Variants in SFXN5 observed in about 807,000 individuals in gnomAD.
The protein encoded by SFXN5 is sideroflexin 5.
Under a neutral mutation model 50.2 loss-of-function variants are expected in SFXN5, and 43 were observed. The ratio of observed to expected loss-of-function variants is 0.86; its 90% CI spans 0.67 to 1.11. The LOEUF is 1.11. Ranked by LOEUF, SFXN5 falls within the 50% of genes least tolerant of loss-of-function variation. SFXN5 has a pLI of 0.00. For synonymous variants in SFXN5, 203 were observed against 185.8 expected (o/e 1.09, Z -0.75); for missense variants, 463 against 454.1 (o/e 1.02, Z -0.18).
intron 3 of SFXN5, among the ~76,000 whole-genome samples, chr2:73,034,645 C>T (rs1678731315): frequency 6.6e-6 from 1 of 152,140 alleles, no homozygotes; most frequent in Admixed American, 6.5e-5. Context: ...TGGACAAGCC[C>T]AGCCACTCAG....
intron 6 of SFXN5, among the ~76,000 whole-genome samples, chr2:73,010,844 C>T (rs1386648425): frequency 6.6e-6 from 1 of 152,080 alleles, no homozygotes; most frequent in African/African-American, 2.4e-5. Flanking sequence ...AACATAAGAT[C>T]ACTATATATG....
intron 11 of SFXN5, among the ~76,000 whole-genome samples, chr2:72,968,775 CTCTT>C (rs1191420919): frequency 1.5e-4 from 22 of 150,920 alleles, no homozygotes; most frequent in South Asian, 8.4e-4. Flanking sequence ...TCTTTCCTCT[CTCTT>C]TCTTTCTTTC....
chr2:72,976,186 AT>A (rs1366775051), intron 10 of SFXN5, among the ~76,000 whole-genome samples: 1 of 152,168 alleles, frequency 6.6e-6, no homozygotes, highest in Non-Finnish European at 1.5e-5. Flanking sequence ...AAGGAATTCA[AT>A]TTGAGAATTA....
At chr2:72,956,571 G>C (rs1673112098) in intron 13 of SFXN5, among the ~76,000 whole-genome samples, 1 of 152,160 alleles carries the variant, frequency 6.6e-6, no homozygotes, top group Admixed American at 6.5e-5. Context: ...TACAAAGCCT[G>C]CTCCATCGTC....
intron 12 of SFXN5, among the ~76,000 whole-genome samples, chr2:72,965,675 C>T (rs1020501490): frequency 3.9e-5 from 6 of 152,322 alleles, no homozygotes; most frequent in South Asian, 4.1e-4. Flanking sequence ...ACATCCCCAT[C>T]GCACTCCCTT....
chr2:73,031,911 T>C (rs1678352837), intron 3 of SFXN5, among the ~76,000 whole-genome samples: 1 of 152,104 alleles, frequency 6.6e-6, no homozygotes, highest in South Asian at 2.1e-4. Context: ...GAAGCAAGTC[T>C]CTCCAGGGCC....
chr2:72,955,169 C>T (rs1307839987), intron 13 of SFXN5, among the ~76,000 whole-genome samples: 1 of 152,220 alleles, frequency 6.6e-6, no homozygotes, highest in East Asian at 1.9e-4. Context: ...CACATTTCAA[C>T]CTCACCAAAT....
intron 13 of SFXN5, among the ~76,000 whole-genome samples, chr2:72,958,480 G>C (rs1673348057): frequency 6.6e-6 from 1 of 152,192 alleles, no homozygotes; most frequent in Non-Finnish European, 1.5e-5. Context: ...CTAACTGGGA[G>C]GGTCTCTGAT....
Position 73,034,078 on chromosome 2 carries a change from G to A in SFXN5, c.249+6776C>T, listed in dbSNP as rs202105966. Among the ~76,000 whole-genome samples the A allele has an allele frequency of 2.6e-5, 4 of 152,318 alleles. No homozygotes were observed. The East Asian group carries it at 5.8e-4, about 22-fold the overall frequency. On this transcript the variant is annotated intron_variant, in intron 3 of 13. Coordinates refer to ENST00000272433, the MANE Select transcript of SFXN5 (RefSeq NM_144579.3). ...GTGTGCTGTATCAGCAATGGACAGA[G>A]GAGCCCAGGTAGTATAGGCAGATCA...
rs138657348 is a variant in SFXN5, at chr2:72,988,602, TACAC to T, written c.535-258_535-255del. On this transcript the variant is annotated intron_variant, in intron 9 of 13. Coordinates refer to ENST00000272433, the MANE Select transcript of SFXN5 (RefSeq NM_144579.3). ...GGAGAGAGGTAAAGCATCAGAGACATACACACACACACACACATACACACACATT... is the reference window on the plus strand; with the variant it reads ...GGAGAGAGGTAAAGCATCAGAGACATACACACACACACATACACACACATT... Among the ~76,000 whole-genome samples the T allele has an allele frequency of 1.6e-4, 24 of 150,350 alleles. No homozygotes were observed. In the South Asian group the frequency reaches 2.3e-3, roughly 15 times the overall value.
intron 3 of SFXN5, among the ~76,000 whole-genome samples, chr2:73,040,100 C>T (rs901517019): frequency 2.6e-5 from 4 of 152,124 alleles, no homozygotes; most frequent in African/African-American, 4.8e-5. Context: ...TGTGAGCCAC[C>T]GTGCCCAGCC....
intron 11 of SFXN5, among the ~76,000 whole-genome samples, chr2:72,969,959 C>T (rs557635732): frequency 6.6e-6 from 1 of 152,242 alleles, no homozygotes; most frequent in Non-Finnish European, 1.5e-5. Flanking sequence ...GTGGTAAGTT[C>T]CTTTAGCCCC....
In SFXN5 at chr2:73,071,140, C is replaced by T. The variant is rs566977151; in HGVS notation, c.102+464G>A. 3 of 156,442 alleles carry T rather than the reference C, an allele frequency of 1.9e-5. No homozygotes were observed. In the South Asian group the frequency reaches 4.8e-4, roughly 25 times the overall value. 9.7% of individuals were successfully genotyped at this position (156,442 alleles called of 1,614,324 possible). On this transcript the variant is annotated intron_variant, in intron 1 of 13. Coordinates refer to ENST00000272433, the MANE Select transcript of SFXN5 (RefSeq NM_144579.3). ...GCGCGACGCTGCCCGGCGGCACCGC[C>T]AGCAGCTCGAAAGGAACGTCAGTCC...
intron 8 of SFXN5, 50 bp downstream of exon 8, chr2:73,000,381 G>A (rs1673750363): frequency 1.3e-6 from 2 of 1,524,486 alleles, no homozygotes; most frequent in South Asian, 2.4e-5. Flanking sequence ...AGGATGACTG[G>A]GCCTCCCTAG....
At chr2:73,016,613 G>A (rs1676179606) in intron 6 of SFXN5, among the ~76,000 whole-genome samples, 1 of 152,180 alleles carries the variant, frequency 6.6e-6, no homozygotes, top group Admixed American at 6.5e-5. Flanking sequence ...GCTGAGGCAG[G>A]AGAATCGCTT....
At chr2:73,035,913 T>C (rs930250043) in intron 3 of SFXN5, among the ~76,000 whole-genome samples, 2 of 152,206 alleles carry the variant, frequency 1.3e-5, no homozygotes, top group African/African-American at 4.8e-5. Context: ...CATTTGCGCA[T>C]ACCCACTGGT....
Position 72,968,510 on chromosome 2 carries a change from C to G in SFXN5, c.765G>C (p.Thr255=), listed in dbSNP as rs376896256. ...ARHALLETAL[T]RVVLPMPILV... is the part of the protein sequence containing the mutation. ...GGATGGGCATGGGCAGGACCACTCGCGTCAGCGCCGTCTCCAGCAGGGCCT... is the reference window on the plus strand; with the variant it reads ...GGATGGGCATGGGCAGGACCACTCGGGTCAGCGCCGTCTCCAGCAGGGCCT... The change falls in exon 12 of 14, where the codon ACG becomes ACC. Residue 255 remains threonine, a synonymous_variant. Transcript: ENST00000272433. The G allele has an allele frequency of 6.2e-7, 1 of 1,613,340 alleles. No individual in the cohort carries two copies. The highest frequency in any genetic ancestry group is 1.1e-5 in the South Asian group (1 of 91,038).
At chr2:73,026,368 T>C in intron 3 of SFXN5, among the ~76,000 whole-genome samples, 1 of 151,640 alleles carries the variant, frequency 6.6e-6, no homozygotes, top group East Asian at 1.9e-4. Flanking sequence ...TGGCCTCAAG[T>C]GATCCACTTG....
At chr2:72,987,809 A>G (rs1025065377) in intron 10 of SFXN5, among the ~76,000 whole-genome samples, 26 of 152,220 alleles carry the variant, frequency 1.7e-4, no homozygotes, top group African/African-American at 5.5e-4. Context: ...AGTGTTGAGC[A>G]TAAATAATAT....
Sources: allele counts gnomAD v4.1 joint callset (sites outside exome capture counted in the v4.1 genomes callset), GRCh38; gene constraint gnomAD v4.1.1; transcripts MANE v1.5; gene names NCBI Gene and HGNC (gene_info 2026-07-23, HGNC 2026-07-21).